The following FRAS1 variants were observed in gnomAD, a reference collection of about 807,000 sequenced individuals.
FRAS1 encodes the protein extracellular matrix organizing protein FRAS1.
In FRAS1, 290 loss-of-function variants were observed where a neutral mutation model predicts 435.2. That is an observed-to-expected ratio of 0.67 (90% CI 0.61 to 0.73). The LOEUF is 0.73. Among genes scored for constraint, FRAS1 ranks in the 30% least tolerant of loss-of-function variants. The probability of loss-of-function intolerance (pLI) is 0.00; values close to 1 mark genes in which losing one functional copy is unlikely to be tolerated. For synonymous variants in FRAS1, 1,800 were observed against 1,851.0 expected (o/e 0.97, Z 0.71); for missense variants, 4,860 against 5,001.5 (o/e 0.97, Z 0.85).
At chr4:78,470,225 A>G in intron 51 of FRAS1, 134 bp downstream of exon 51, 1 of 624,590 alleles carries the variant, frequency 1.6e-6, no homozygotes, top group East Asian at 2.8e-5. Context: ...TTTTCCTGAG[A>G]TTAGTGAGCT....
At chr4:78,524,365 G>A (rs1721471786) in intron 69 of FRAS1, among the ~76,000 whole-genome samples, 1 of 152,196 alleles carries the variant, frequency 6.6e-6, no homozygotes, top group Non-Finnish European at 1.5e-5. Flanking sequence ...CACTGTGAGA[G>A]ATACAGGATA....
In FRAS1 at chr4:78,264,083, T is replaced by C. The variant is rs78280834; in HGVS notation, c.604-942T>C. Among the ~76,000 whole-genome samples the C allele has an allele frequency of 1.0e-2, 1,520 of 152,304 alleles. 20 individuals carry two copies. Among genetic ancestry groups the C allele is most frequent in the African/African-American group, 0.034 (1,432 of 41,552 alleles). Reference sequence around the variant, plus strand: ...TTCCAGATTTATCTTCTGTATAAGATCTACCACTTCTTAGTTATTGACACT... The same window carrying C: ...TTCCAGATTTATCTTCTGTATAAGACCTACCACTTCTTAGTTATTGACACT... On this transcript the variant is annotated intron_variant, in intron 6 of 73. Transcript: ENST00000512123.
chr4:78,539,254 A>G, intron 72 of FRAS1, 40 bp from the exon 73 acceptor site: 2 of 1,595,782 alleles, frequency 1.3e-6, no homozygotes, highest in Non-Finnish European at 1.7e-6. Context: ...TAGTGGAACC[A>G]TCTTTCTAAA....
At chr4:78,336,431 G>A (rs181915555) in intron 19 of FRAS1, among the ~76,000 whole-genome samples, 110 of 152,198 alleles carry the variant, frequency 7.2e-4, no homozygotes, top group African/African-American at 2.4e-3. Context: ...GCCTCTTTCC[G>A]CTGGGAGCCA....
At chr4:78,186,066 G>A (rs1298299770) in intron 2 of FRAS1, among the ~76,000 whole-genome samples, 3 of 152,124 alleles carry the variant, frequency 2.0e-5, no homozygotes, top group Non-Finnish European at 4.4e-5. Flanking sequence ...ATAGCTGTTT[G>A]GTAACATCAG....
At chr4:78,476,033 A>G (rs1470840508) in intron 54 of FRAS1, among the ~76,000 whole-genome samples, 1 of 152,150 alleles carries the variant, frequency 6.6e-6, no homozygotes, top group Non-Finnish European at 1.5e-5. Context: ...TTATGAAGTG[A>G]AGTTTGAGAG....
chr4:78,332,517 A>T (rs909430403), intron 18 of FRAS1, among the ~76,000 whole-genome samples: 2 of 152,128 alleles, frequency 1.3e-5, no homozygotes, highest in Non-Finnish European at 2.9e-5. Flanking sequence ...TATAGCCAAG[A>T]TTTATTAAGC....
intron 2 of FRAS1, among the ~76,000 whole-genome samples, chr4:78,199,229 C>T (rs542108567): frequency 3.9e-5 from 6 of 152,270 alleles, no homozygotes; most frequent in East Asian, 1.9e-4. Flanking sequence ...TCTAGTTTTA[C>T]CAGCAGAGAG....
At chr4:78,281,308 G>T in intron 10 of FRAS1, 90 bp from the exon 11 acceptor site, 1 of 844,304 alleles carries the variant, frequency 1.2e-6, no homozygotes, top group Non-Finnish European at 1.8e-6. Context: ...TGTTCCTTGG[G>T]AAAAATGGAT....
chr4:78,267,673 GC>G (rs1352676566), intron 9 of FRAS1, among the ~76,000 whole-genome samples: 3 of 152,226 alleles, frequency 2.0e-5, no homozygotes, highest in Non-Finnish European at 4.4e-5. Flanking sequence ...CAAATTGGAA[GC>G]CCCGAGCCAG....
At chr4:78,216,451 T>G (rs925967717) in intron 2 of FRAS1, among the ~76,000 whole-genome samples, 2 of 152,220 alleles carry the variant, frequency 1.3e-5, no homozygotes, top group Non-Finnish European at 2.9e-5. Flanking sequence ...AATACATGCA[T>G]AAGGGAATGA....
intron 47 of FRAS1, among the ~76,000 whole-genome samples, chr4:78,455,237 A>G (rs1719152736): frequency 1.3e-5 from 2 of 150,446 alleles, no homozygotes; most frequent in African/African-American, 4.9e-5. Context: ...CCCCGGCTCT[A>G]CTAAAAATAC....
chr4:78,226,501 G>C (rs1414357224), intron 2 of FRAS1, among the ~76,000 whole-genome samples: 1 of 151,356 alleles, frequency 6.6e-6, no homozygotes, highest in Non-Finnish European at 1.5e-5. Context: ...GCAATTTAAA[G>C]ATTTGTCTTC....
At chr4:78,292,247 G>A (rs1004415442) in intron 14 of FRAS1, among the ~76,000 whole-genome samples, 13 of 152,032 alleles carry the variant, frequency 8.6e-5, no homozygotes, top group Non-Finnish European at 1.6e-4. Flanking sequence ...AATATATAGA[G>A]AACAGTATAC....
chr4:78,261,983 A>G (rs1726130372), intron 6 of FRAS1, among the ~76,000 whole-genome samples: 1 of 152,180 alleles, frequency 6.6e-6, no homozygotes, highest in South Asian at 2.1e-4. Context: ...ATCCTTCATC[A>G]AGAAAAATCA....
At chr4:78,093,971 CT>C (rs1199579822) in intron 2 of FRAS1, among the ~76,000 whole-genome samples, 3 of 152,054 alleles carry the variant, frequency 2.0e-5, no homozygotes, top group Non-Finnish European at 4.4e-5. Flanking sequence ...GCTCACCCCC[CT>C]CCCCTTCCCA....
chr4:78,165,785 G>A (rs1215129636), intron 2 of FRAS1, among the ~76,000 whole-genome samples: 1 of 152,154 alleles, frequency 6.6e-6, no homozygotes, highest in African/African-American at 2.4e-5. Flanking sequence ...AACAAGATGA[G>A]AGCATTACAT....
chr4:78,440,704 A>G (rs1003937413), intron 40 of FRAS1, among the ~76,000 whole-genome samples: 1 of 152,236 alleles, frequency 6.6e-6, no homozygotes, highest in Non-Finnish European at 1.5e-5. Context: ...AATATATAAT[A>G]TAAGAGAATA....
At chr4:78,373,393 T>C (rs992335860) in intron 24 of FRAS1, among the ~76,000 whole-genome samples, 1 of 151,176 alleles carries the variant, frequency 6.6e-6, no homozygotes, top group Non-Finnish European at 1.5e-5. Context: ...AAAACTGACT[T>C]GATGAACCAC....
Sources: gnomAD v4.1 joint callset for allele counts (sites outside exome capture counted in the v4.1 genomes callset) on GRCh38, gnomAD v4.1.1 for gene constraint, MANE v1.5 for transcripts, NCBI Gene and HGNC (gene_info 2026-07-23, HGNC 2026-07-21) for gene names.